Variants in RSF1 observed in about 807,000 individuals in gnomAD.
The protein encoded by RSF1 is HBV pX-associated protein 8.
Under a neutral mutation model 145.2 loss-of-function variants are expected in RSF1, and 13 were observed. The ratio of observed to expected loss-of-function variants is 0.09; its 90% CI spans 0.06 to 0.14. The LOEUF is 0.14. Among genes scored for constraint, RSF1 ranks in the 10% least tolerant of loss-of-function variants. The probability of loss-of-function intolerance (pLI) is 1.00; values close to 1 mark genes in which losing one functional copy is unlikely to be tolerated. For synonymous variants in RSF1, 577 were observed against 592.6 expected (o/e 0.97, Z 0.38); for missense variants, 1,517 against 1,718.2 (o/e 0.88, Z 2.07).
chr11:77,760,971 G>T (rs1948165427), intron 2 of RSF1, among the ~76,000 whole-genome samples: 1 of 151,964 alleles, frequency 6.6e-6, no homozygotes, highest in Admixed American at 6.5e-5. Flanking sequence ...GAGTGCAGTG[G>T]TGCAATCTCG....
intron 1 of RSF1, among the ~76,000 whole-genome samples, chr11:77,788,336 T>C (rs143933115): frequency 4.0e-5 from 6 of 151,030 alleles, no homozygotes; most frequent in African/African-American, 9.7e-5. Flanking sequence ...AAAGTTCTTA[T>C]ATGACTATGA....
intron 1 of RSF1, among the ~76,000 whole-genome samples, chr11:77,817,760 C>G (rs1948795880): frequency 6.6e-6 from 1 of 152,208 alleles, no homozygotes; most frequent in African/African-American, 2.4e-5. Flanking sequence ...TTGCAAGGAA[C>G]TAAATCCATG....
intron 1 of RSF1, among the ~76,000 whole-genome samples, chr11:77,773,322 T>C (rs963299512): frequency 2.6e-5 from 4 of 152,110 alleles, no homozygotes; most frequent in Non-Finnish European, 4.4e-5. Context: ...GCCAATTACA[T>C]GCCCAGCACT....
intron 1 of RSF1, among the ~76,000 whole-genome samples, chr11:77,772,274 A>T (rs1948293589): frequency 6.6e-6 from 1 of 151,896 alleles, no homozygotes; most frequent in Non-Finnish European, 1.5e-5. Flanking sequence ...GACTCAACTG[A>T]TCCTTCTACC....
Position 77,662,005 on chromosome 11 carries a change from A to C in RSF1, c.*4912T>G, listed in dbSNP as rs1959242369. 1 of 152,146 alleles carries C rather than the reference A, an allele frequency of 6.6e-6. No individual in the cohort carries two copies. Among genetic ancestry groups the C allele is most frequent in the South Asian group, 2.1e-4 (1 of 4,826 alleles). The allele number at this position is 152,146 out of a possible 1,614,324, so 9.4% of individuals were successfully genotyped here. On this transcript the variant is annotated 3_prime_UTR_variant, in exon 16 of 16. Coordinates refer to ENST00000308488, the MANE Select transcript of RSF1 (RefSeq NM_016578.4). ...GGATTAACAATTCCATTCTTAACTT[A>C]CATCATCCAGTGGCAAAAAGCACGA...
intron 1 of RSF1, among the ~76,000 whole-genome samples, chr11:77,780,302 T>G (rs1051550390): frequency 2.0e-5 from 3 of 152,206 alleles, no homozygotes; most frequent in African/African-American, 7.2e-5. Flanking sequence ...TTGCTCATAC[T>G]TAAAGAACCA....
chr11:77,865,801 T>G, the RSF1 span, among the ~76,000 whole-genome samples: 342 of 152,342 alleles, frequency 2.2e-3, no homozygotes, highest in African/African-American at 7.4e-3. Context: ...TTGTATGAAA[T>G]GTTTCCTCTA....
chr11:77,869,546 G>A, the RSF1 span: 2 of 530,348 alleles, frequency 3.8e-6, no homozygotes, highest in African/African-American at 3.9e-5. Context: ...TGAACTCCTA[G>A]GTTCAAGGGA....
chr11:77,760,872 G>A (rs935959959), intron 2 of RSF1, among the ~76,000 whole-genome samples: 18 of 151,842 alleles, frequency 1.2e-4, no homozygotes, highest in African/African-American at 4.4e-4. Context: ...TCCTGTTGAG[G>A]GGTAGAAAAA....
chr11:77,732,465 T>C (rs778654785), intron 4 of RSF1, among the ~76,000 whole-genome samples: 1 of 152,184 alleles, frequency 6.6e-6, no homozygotes, highest in Non-Finnish European at 1.5e-5. Context: ...TTTTGAACTA[T>C]GAGGACATGA....
At chr11:77,671,560 C>T (rs955438055) in intron 15 of RSF1, among the ~76,000 whole-genome samples, 3 of 151,202 alleles carry the variant, frequency 2.0e-5, no homozygotes, top group East Asian at 1.9e-4. Flanking sequence ...AGCCTCTTAT[C>T]GAGTATCTTT....
chr11:77,821,740 T>G (rs1590911366), upstream of RSF1, among the ~76,000 whole-genome samples: 1 of 152,036 alleles, frequency 6.6e-6, no homozygotes. Flanking sequence ...GCGGGGGCAG[T>G]GAACATTCCC....
intron 11 of RSF1, among the ~76,000 whole-genome samples, chr11:77,681,732 C>CTTTTATTTTTTT (rs1959867165): frequency 6.6e-6 from 1 of 152,222 alleles, no homozygotes; most frequent in Non-Finnish European, 1.5e-5. Context: ...AAACTATAGC[C>CTTTTATTTTTTT]TTTTGCATCT....
Position 77,667,393 on chromosome 11 carries a change from C to T in RSF1, c.3850G>A (p.Ala1284Thr). 1.2e-6 allele frequency: 2 copies of T among 1,614,068 alleles called. No homozygotes were observed. The highest frequency in any genetic ancestry group is 1.7e-6 in the Non-Finnish European group (2 of 1,180,032). ...TCCTCTTCCTCCTCCTCCTCATCTGCTTCTGAATACTCGTCTGTGCTTCGG... is the reference window on the plus strand; with the variant it reads ...TCCTCTTCCTCCTCCTCCTCATCTGTTTCTGAATACTCGTCTGTGCTTCGG... The part of the protein sequence containing the change: ...RGRSTDEYSE[A>T]DEEEEEEEGK... The change falls in exon 16 of 16, where the codon GCA becomes ACA. Residue 1284 changes from alanine (A) to threonine (T), a missense_variant. Transcript: ENST00000308488.
At chr11:77,807,395 TTA>T (rs1372819736) in intron 1 of RSF1, among the ~76,000 whole-genome samples, 5 of 152,308 alleles carry the variant, frequency 3.3e-5, no homozygotes, top group African/African-American at 1.2e-4. Context: ...ATACTTTGTA[TTA>T]TAACTGCCTG....
chr11:77,668,339 T>C (rs1439570405), intron 15 of RSF1, among the ~76,000 whole-genome samples: 1 of 152,222 alleles, frequency 6.6e-6, no homozygotes, highest in African/African-American at 2.4e-5. Flanking sequence ...CTGATAATGC[T>C]TGAATTAAAT....
intron 9 of RSF1, among the ~76,000 whole-genome samples, chr11:77,687,847 A>G (rs1307359768): frequency 6.6e-6 from 1 of 152,252 alleles, no homozygotes; most frequent in African/African-American, 2.4e-5. Flanking sequence ...AATATTTCAT[A>G]ATTGCAGTGG....
intron 1 of RSF1, among the ~76,000 whole-genome samples, chr11:77,775,517 A>G (rs1948333485): frequency 6.6e-6 from 1 of 152,222 alleles, no homozygotes; most frequent in African/African-American, 2.4e-5. Context: ...ACATCTGTAT[A>G]TAGGAGTAAA....
chr11:77,705,365 T>C (rs1756777048), intron 5 of RSF1, among the ~76,000 whole-genome samples: 1 of 152,224 alleles, frequency 6.6e-6, no homozygotes, highest in African/African-American at 2.4e-5. Flanking sequence ...AGAGAAGTGG[T>C]AGCTACTGTG....
Sources: gnomAD v4.1 joint callset for allele counts (sites outside exome capture counted in the v4.1 genomes callset) on GRCh38, gnomAD v4.1.1 for gene constraint, MANE v1.5 for transcripts, NCBI Gene and HGNC (gene_info 2026-07-23, HGNC 2026-07-21) for gene names.